Variants in CORIN observed in about 807,000 individuals in gnomAD.
CORIN encodes atrial natriuretic peptide-converting enzyme.
A neutral mutation model predicts 125.3 loss-of-function variants in CORIN; 117 were observed. That is an observed-to-expected ratio of 0.93 (90% CI 0.80 to 1.09). CORIN has a LOEUF of 1.09. Among genes scored for constraint, CORIN ranks in the 50% least tolerant of loss-of-function variants. The probability of loss-of-function intolerance (pLI) is 0.00; values close to 1 mark genes in which losing one functional copy is unlikely to be tolerated. For synonymous variants in CORIN, 450 were observed against 466.4 expected, an observed-to-expected ratio of 0.96 and a Z score of 0.45; for missense variants, 1,253 against 1,306.7, an observed-to-expected ratio of 0.96 and a Z score of 0.63.
chr4:47,603,561 C>CG lies in CORIN; in HGVS notation c.2647dup (p.Arg883ProfsTer10), dbSNP rs759097162. The CG allele has an allele frequency of 1.1e-5, 17 of 1,613,986 alleles. No homozygotes were observed. Among genetic ancestry groups the CG allele is most frequent in the Admixed American group, 8.3e-5 (5 of 60,000 alleles). On this transcript the variant is annotated frameshift_variant, in exon 20 of 22. Transcript: ENST00000273857. LOFTEE classifies it high-confidence loss of function. ...ATAGTCCACCACTGCTCGACTGTAGCGGGGATGCAGGATGATGGTCTTCAC... is the reference window on the plus strand; with the variant it reads ...ATAGTCCACCACTGCTCGACTGTAGCGGGGGATGCAGGATGATGGTCTTCAC...
At chr4:47,757,693 T>C (rs1398521690) in intron 4 of CORIN, among the ~76,000 whole-genome samples, 1 of 150,914 alleles carries the variant, frequency 6.6e-6, no homozygotes, top group Admixed American at 6.6e-5. Flanking sequence ...TCCATGAAAA[T>C]AGAAGTAAAA....
chr4:47,763,589 G>A lies in CORIN; in HGVS notation c.410-3C>T. 1 of 1,613,278 alleles carries A rather than the reference G, an allele frequency of 6.2e-7. No individual in the cohort carries two copies. Among genetic ancestry groups the A allele is most frequent in the South Asian group, 1.1e-5 (1 of 91,034 alleles). On this transcript the variant is annotated splice_polypyrimidine_tract_variant and splice_region_variant and intron_variant, in intron 3 of 21. Coordinates refer to ENST00000273857, the MANE Select transcript of CORIN (RefSeq NM_006587.4). ...GTGGGTGATGTTCATACAGGCACCT[G>A]GGAAGTAAAGACATGCACATTTAAG...
intron 3 of CORIN, among the ~76,000 whole-genome samples, chr4:47,782,387 GAA>G (rs1265689215): frequency 8.1e-5 from 5 of 61,612 alleles, no homozygotes; most frequent in African/African-American, 6.0e-5. Context: ...TCCATCTCAA[GAA>G]AAAAAAAAAA....
chr4:47,725,911 A>C (rs928841468), intron 5 of CORIN, among the ~76,000 whole-genome samples: 4 of 152,024 alleles, frequency 2.6e-5, no homozygotes, highest in African/African-American at 9.7e-5. Flanking sequence ...AAATCAAACA[A>C]CATCAAACAA....
At chr4:47,622,002 C>A (rs1484945569) in intron 19 of CORIN, among the ~76,000 whole-genome samples, 1 of 88,668 alleles carries the variant, frequency 1.1e-5, no homozygotes, top group Non-Finnish European at 2.2e-5. Flanking sequence ...CTCCCCCCTC[C>A]CCCCACCCCA....
At chr4:47,647,004 T>C (rs1723520774) in intron 13 of CORIN, among the ~76,000 whole-genome samples, 1 of 152,234 alleles carries the variant, frequency 6.6e-6, no homozygotes, top group Non-Finnish European at 1.5e-5. Context: ...GTGTGTTTCA[T>C]CATCCAAAGA....
At chr4:47,674,357 G>T in intron 10 of CORIN, 36 bp downstream of exon 10, 1 of 1,378,584 alleles carries the variant, frequency 7.3e-7, no homozygotes, top group Non-Finnish European at 1.0e-6. Flanking sequence ...TGCATGCCCT[G>T]ACATGGCTAT....
At chr4:47,703,404 G>A (rs1256438112) in intron 5 of CORIN, among the ~76,000 whole-genome samples, 1 of 152,048 alleles carries the variant, frequency 6.6e-6, no homozygotes, top group African/African-American at 2.4e-5. Context: ...TAATGGTGAG[G>A]AAATGAGTTC....
At chr4:47,789,279 G>A (rs963643514) in intron 2 of CORIN, among the ~76,000 whole-genome samples, 6 of 152,046 alleles carry the variant, frequency 3.9e-5, no homozygotes, top group Admixed American at 2.6e-4. Flanking sequence ...ACTCCAGCCA[G>A]GGCAACAAGA....
chr4:47,609,304 A>G (rs1449553990), intron 19 of CORIN, among the ~76,000 whole-genome samples: 2 of 152,088 alleles, frequency 1.3e-5, no homozygotes, highest in East Asian at 1.9e-4. Flanking sequence ...CAATGGCGCA[A>G]TCTCAGCTCA....
At chr4:47,751,928 AAGACCCTC>A (rs1728920595) in intron 4 of CORIN, among the ~76,000 whole-genome samples, 1 of 152,086 alleles carries the variant, frequency 6.6e-6, no homozygotes, top group Admixed American at 6.6e-5. Flanking sequence ...AGTTCCTAGT[AAGACCCTC>A]TATTCCTCCC....
chr4:47,731,647 G>A (rs1727878114), intron 5 of CORIN, among the ~76,000 whole-genome samples: 1 of 152,090 alleles, frequency 6.6e-6, no homozygotes, highest in Admixed American at 6.5e-5. Flanking sequence ...GAGACAGGTG[G>A]ATCACAAGGT....
chr4:47,604,429 T>C (rs770476037), intron 19 of CORIN, among the ~76,000 whole-genome samples: 3 of 152,172 alleles, frequency 2.0e-5, no homozygotes, highest in Non-Finnish European at 4.4e-5. Context: ...CAAATGTATA[T>C]CTCCAGCTCT....
At chr4:47,825,196 G>A (rs1732687815) in intron 1 of CORIN, among the ~76,000 whole-genome samples, 1 of 152,206 alleles carries the variant, frequency 6.6e-6, no homozygotes, top group African/African-American at 2.4e-5. Flanking sequence ...CCAATTGCTG[G>A]GCTTGTTGCT....
At chr4:47,787,155 A>T (rs1042042738) in intron 2 of CORIN, among the ~76,000 whole-genome samples, 1 of 152,150 alleles carries the variant, frequency 6.6e-6, no homozygotes, top group Non-Finnish European at 1.5e-5. Context: ...GTGATGAAAC[A>T]TGGCTTTCTC....
chr4:47,770,647 G>A (rs1486794662), intron 3 of CORIN, among the ~76,000 whole-genome samples: 1 of 152,072 alleles, frequency 6.6e-6, no homozygotes, highest in African/African-American at 2.4e-5. Flanking sequence ...ATGGATGAAT[G>A]GATAAAGAAC....
intron 17 of CORIN, among the ~76,000 whole-genome samples, chr4:47,626,013 C>A (rs1722543159): frequency 6.6e-6 from 1 of 152,172 alleles, no homozygotes; most frequent in Admixed American, 6.6e-5. Flanking sequence ...ATTTTTGTGT[C>A]TATTCCTCTC....
rs374086445 is a variant in CORIN at position 47,595,907 on chromosome 4, C to T, written c.2947-4G>A. 6.2e-6 allele frequency: 10 copies of T among 1,604,994 alleles called. No individual in the cohort carries two copies. Among genetic ancestry groups the T allele is most frequent in the Non-Finnish European group, 8.5e-6 (10 of 1,176,864 alleles). ...CAAGAGGCCCACCGCTGTCACCCTG[C>T]AATAAGTAACGATGGGAGTTAGGAA... On this transcript the variant is annotated splice_polypyrimidine_tract_variant and splice_region_variant and intron_variant, in intron 21 of 21. Transcript: ENST00000273857.
At chr4:47,660,262 G>A (rs933052378) in intron 12 of CORIN, among the ~76,000 whole-genome samples, 2 of 152,180 alleles carry the variant, frequency 1.3e-5, no homozygotes, top group African/African-American at 4.8e-5. Flanking sequence ...AAACTTTCCA[G>A]TACACTGGAC....
Sources: gnomAD v4.1 joint callset for allele counts (sites outside exome capture counted in the v4.1 genomes callset) on GRCh38, gnomAD v4.1.1 for gene constraint, MANE v1.5 for transcripts, NCBI Gene and HGNC (gene_info 2026-07-23, HGNC 2026-07-21) for gene names.